RAPGEF1: variants seen among roughly 807,000 people sequenced by gnomAD.
RAPGEF1 encodes CRK SH3-binding GNRP.
In RAPGEF1, 33 loss-of-function variants were observed where a neutral mutation model predicts 143.3. The observed-to-expected ratio is 0.23, with a 90% confidence interval of 0.17 to 0.31. The LOEUF (loss-of-function observed/expected upper bound fraction) is 0.31. Ranked by LOEUF, RAPGEF1 falls within the 10% of genes least tolerant of loss-of-function variation. The pLI, the probability that RAPGEF1 is intolerant of heterozygous loss-of-function variation, is 1.00. For missense variants in RAPGEF1, 1,199 were observed against 1,645.4 expected (o/e 0.73, Z 4.69); for synonymous variants, 629 against 676.5 (o/e 0.93, Z 1.09).
chr9:131,604,990 C>G lies in RAPGEF1; in HGVS notation c.2260G>C (p.Glu754Gln), dbSNP rs1956876550. 1 of 1,343,242 alleles carries G rather than the reference C, an allele frequency of 7.4e-7. No homozygotes were observed. Among genetic ancestry groups the G allele is most frequent in the South Asian group, 1.2e-5 (1 of 84,410 alleles). The allele number at this position is 1,343,242 out of a possible 1,614,324, so 83.2% of individuals were successfully genotyped here. Residue 754 changes from glutamate (E) to glutamine (Q), a missense_variant, in exon 13 of 27, where the codon GAG becomes CAG. Glu to Gln is a conservative substitution (Grantham distance 29). Coordinates refer to ENST00000683357, the MANE Select transcript of RAPGEF1 (RefSeq NM_001377935.1). ...TVDGPLSASQ[E>Q]SSFHGNTVCL... ...ACAGTATTCCCATGAAAGCTGCTCT[C>G]CTGAGAAGCCGAGAGAGGCCCGTCC...
At chr9:131,714,374 C>T (rs1414539045) in intron 1 of RAPGEF1, among the ~76,000 whole-genome samples, 2 of 150,852 alleles carry the variant, frequency 1.3e-5, no homozygotes, top group African/African-American at 4.9e-5. Flanking sequence ...GGGAAGGGCT[C>T]GTGGATCCCT....
At chr9:131,714,006 A>G (rs1835687358) in intron 1 of RAPGEF1, among the ~76,000 whole-genome samples, 1 of 152,176 alleles carries the variant, frequency 6.6e-6, no homozygotes, top group Non-Finnish European at 1.5e-5. Flanking sequence ...TTCTCTTAGT[A>G]TAATTAAAAT....
chr9:131,693,976 A>G (rs1833957803), intron 1 of RAPGEF1, among the ~76,000 whole-genome samples: 1 of 151,638 alleles, frequency 6.6e-6, no homozygotes, highest in Non-Finnish European at 1.5e-5. Context: ...CAAACACTTA[A>G]TGGCTATTTA....
chr9:131,738,482 G>C (rs1311898205), intron 1 of RAPGEF1, among the ~76,000 whole-genome samples: 1 of 152,078 alleles, frequency 6.6e-6, no homozygotes, highest in Non-Finnish European at 1.5e-5. Context: ...AAATACTCAA[G>C]AAATGGCACC....
At chr9:131,615,131 G>C (rs1588463462) in intron 12 of RAPGEF1, among the ~76,000 whole-genome samples, 1 of 152,158 alleles carries the variant, frequency 6.6e-6, no homozygotes, top group African/African-American at 2.4e-5. Flanking sequence ...GGAGCGCAGT[G>C]GCGCGATCTC....
intron 1 of RAPGEF1, among the ~76,000 whole-genome samples, chr9:131,718,927 C>CA (rs1040899998): frequency 6.6e-6 from 1 of 152,154 alleles, no homozygotes; most frequent in Non-Finnish European, 1.5e-5. Flanking sequence ...AGAGCACGTA[C>CA]ACTTGATGCT....
intron 1 of RAPGEF1, among the ~76,000 whole-genome samples, chr9:131,726,695 C>T (rs1030771546): frequency 1.4e-5 from 2 of 147,286 alleles, no homozygotes; most frequent in African/African-American, 2.5e-5. Flanking sequence ...TGCAAAGGGG[C>T]GGCAAGAAGG....
At chr9:131,715,863 CAAA>C (rs145340457) in intron 1 of RAPGEF1, among the ~76,000 whole-genome samples, 3 of 72,524 alleles carry the variant, frequency 4.1e-5, no homozygotes, top group East Asian at 3.5e-4. Context: ...GACTCCCTCT[CAAA>C]AAAAAAAAAA....
chr9:131,627,213 C>CAAAAAAAAAAAAAAAAAAAAAAAA (rs10690802), intron 9 of RAPGEF1, among the ~76,000 whole-genome samples: 3 of 97,406 alleles, frequency 3.1e-5, no homozygotes, highest in South Asian at 4.2e-4. Context: ...GGCTCTGTCT[C>CAAAAAAAAAAAAAAAAAAAAAAAA]AAAAAAAAAA....
intron 1 of RAPGEF1, among the ~76,000 whole-genome samples, chr9:131,706,358 G>A (rs61199584): frequency 0.024 from 3,717 of 152,100 alleles, 160 homozygotes; most frequent in African/African-American, 0.084. Context: ...CGCCTCCTAG[G>A]TTCAAGCAAT....
intron 1 of RAPGEF1, among the ~76,000 whole-genome samples, chr9:131,718,335 G>A (rs148427904): frequency 2.0e-5 from 3 of 152,312 alleles, no homozygotes; most frequent in Non-Finnish European, 4.4e-5. Context: ...CGAGGACCTC[G>A]GATCGCTTCA....
intron 1 of RAPGEF1, among the ~76,000 whole-genome samples, chr9:131,736,871 G>A (rs1837452501): frequency 6.6e-6 from 1 of 152,136 alleles, no homozygotes; most frequent in African/African-American, 2.4e-5. Flanking sequence ...GTCAGGCTCT[G>A]CCACCACTTC....
At chr9:131,586,637 G>C (rs1952947659) in intron 22 of RAPGEF1, among the ~76,000 whole-genome samples, 2 of 113,210 alleles carry the variant, frequency 1.8e-5, no homozygotes, top group African/African-American at 8.4e-5. Flanking sequence ...CACCTGCAGA[G>C]ACTCCGTCTC....
intron 1 of RAPGEF1, among the ~76,000 whole-genome samples, chr9:131,695,179 G>A (rs974368585): frequency 6.6e-6 from 1 of 152,130 alleles, no homozygotes; most frequent in African/African-American, 2.4e-5. Context: ...TTAGATAAAT[G>A]CATGAACGTG....
chr9:131,592,122 C>T lies in RAPGEF1; in HGVS notation c.2751G>A (p.Glu917=). 1 of 1,612,228 alleles carries T rather than the reference C, an allele frequency of 6.2e-7. No individual in the cohort carries two copies. The highest frequency in any genetic ancestry group is 1.1e-5 in the South Asian group (1 of 91,056). The change falls in exon 18 of 27, where the codon GAG becomes GAA. Residue 917 remains glutamate, a synonymous_variant. Coordinates refer to ENST00000683357, the MANE Select transcript of RAPGEF1 (RefSeq NM_001377935.1). The part of the protein sequence containing the change: ...TTYRTFISPE[E]LIKKLQYRYE... ...ATCTGTACTGCAGCTTCTTGATGAG[C>T]TCCTCTGGGGAGATGAAGGTCCTGT...
chr9:131,678,135 CACTA>C, intron 1 of RAPGEF1, among the ~76,000 whole-genome samples: 1 of 152,290 alleles, frequency 6.6e-6, no homozygotes, highest in East Asian at 1.9e-4. Context: ...ATTTAGAAAA[CACTA>C]AGCACACAGC....
chr9:131,718,125 G>A (rs969434556), intron 1 of RAPGEF1, among the ~76,000 whole-genome samples: 3 of 152,196 alleles, frequency 2.0e-5, no homozygotes, highest in Non-Finnish European at 4.4e-5. Context: ...CGTGGCTCTT[G>A]TCCATGGCTT....
chr9:131,670,505 A>T (rs1831205349), intron 1 of RAPGEF1, among the ~76,000 whole-genome samples: 1 of 152,222 alleles, frequency 6.6e-6, no homozygotes, highest in African/African-American at 2.4e-5. Flanking sequence ...TCACTGTAAG[A>T]GGAGAAGAAA....
intron 15 of RAPGEF1, 75 bp downstream of exon 15, chr9:131,601,985 AG>A: frequency 1.0e-6 from 1 of 1,001,900 alleles, no homozygotes; most frequent in Middle Eastern, 2.2e-4. Flanking sequence ...GCTAGCTGGG[AG>A]AGGCTGCTCA....
Sources: gnomAD v4.1 joint callset for allele counts (sites outside exome capture counted in the v4.1 genomes callset) on GRCh38, gnomAD v4.1.1 for gene constraint, MANE v1.5 for transcripts, NCBI Gene and HGNC (gene_info 2026-07-23, HGNC 2026-07-21) for gene names.